Variants in ZSCAN25 observed in about 807,000 individuals in gnomAD.
ZSCAN25 encodes zinc finger and SCAN domain containing 25, also known as zinc finger and SCAN domain-containing protein 25.
Under a neutral mutation model 38.7 loss-of-function variants are expected in ZSCAN25, and 27 were observed. That is an observed-to-expected ratio of 0.70 (90% CI 0.51 to 0.96). The LOEUF is 0.96. Ranked by LOEUF, ZSCAN25 falls within the 40% of genes least tolerant of loss-of-function variation. The pLI is 0.00. For missense variants in ZSCAN25, 637 were observed against 705.9 expected (o/e 0.90, Z 1.11); for synonymous variants, 273 against 277.7 (o/e 0.98, Z 0.17).
chr7:99,734,127 A>G, the ZSCAN25 span, among the ~76,000 whole-genome samples: 1 of 152,222 alleles, frequency 6.6e-6, no homozygotes, highest in African/African-American at 2.4e-5. Context: ...TTCATGTTAA[A>G]TTGCCAGTAG....
chr7:99,648,274 T>TG, the ZSCAN25 span: 1 of 1,600,716 alleles, frequency 6.2e-7, no homozygotes, highest in Non-Finnish European at 8.5e-7. Flanking sequence ...ACAGCTTTCT[T>TG]GAAGACCAAA....
At chr7:99,685,331 C>T in the ZSCAN25 span, 1 of 1,497,156 alleles carries the variant, frequency 6.7e-7, no homozygotes, top group South Asian at 1.1e-5. Flanking sequence ...GCTGACTATG[C>T]ACATAGTTTG....
the ZSCAN25 span, chr7:99,715,961 T>G: frequency 6.2e-7 from 1 of 1,611,944 alleles, no homozygotes; most frequent in Non-Finnish European, 8.5e-7. Flanking sequence ...CCATCCTTCC[T>G]CTATGCGTGC....
the ZSCAN25 span, chr7:99,650,113 A>G: frequency 6.2e-7 from 1 of 1,614,044 alleles, no homozygotes; most frequent in Non-Finnish European, 8.5e-7. Context: ...GTTCTGAAGG[A>G]CTCTGATTAG....
the ZSCAN25 span, among the ~76,000 whole-genome samples, chr7:99,729,158 G>A: frequency 1.3e-5 from 2 of 152,024 alleles, no homozygotes; most frequent in Non-Finnish European, 2.9e-5. Context: ...TTAGTCCTCT[G>A]GTACCTGTTT....
chr7:99,704,927 A>C, the ZSCAN25 span: 1 of 152,980 alleles, frequency 6.5e-6, no homozygotes, highest in African/African-American at 2.4e-5. Context: ...GCACCACTGC[A>C]CTCCAGTTCC....
chr7:99,700,910 C>G, the ZSCAN25 span, among the ~76,000 whole-genome samples: 3 of 152,148 alleles, frequency 2.0e-5, no homozygotes, highest in African/African-American at 7.2e-5. Context: ...TGGTCTTGTT[C>G]TGCAAAGGAA....
At chr7:99,632,470 C>T, downstream of ZSCAN25, 1 of 187,874 alleles carries the variant, frequency 5.3e-6, no homozygotes, top group Non-Finnish European at 9.9e-6. Flanking sequence ...CGAAGTGTAT[C>T]CCAAGTGTTG....
At chr7:99,686,760 C>CA in the ZSCAN25 span, among the ~76,000 whole-genome samples, 2,133 of 152,172 alleles carry the variant, frequency 0.014, 64 homozygotes, top group African/African-American at 0.047. Flanking sequence ...ACCCCCCCCC[C>CA]AGTAGGGGCA....
the ZSCAN25 span, chr7:99,735,231 G>A: frequency 8.2e-7 from 1 of 1,220,750 alleles, no homozygotes; most frequent in South Asian, 1.3e-5. Context: ...TTATATGCTG[G>A]AGAAGGAGGC....
At chr7:99,689,837 G>A in the ZSCAN25 span, among the ~76,000 whole-genome samples, 1 of 152,214 alleles carries the variant, frequency 6.6e-6, no homozygotes, top group Non-Finnish European at 1.5e-5. Flanking sequence ...GTGCTCATGG[G>A]TAGGAAGAAT....
At chr7:99,645,640 A>G in the ZSCAN25 span, among the ~76,000 whole-genome samples, 1 of 151,924 alleles carries the variant, frequency 6.6e-6, no homozygotes. Context: ...CTTTATTAAT[A>G]GCCATTCTGA....
chr7:99,692,093 GT>G, the ZSCAN25 span, among the ~76,000 whole-genome samples: 2 of 152,182 alleles, frequency 1.3e-5, no homozygotes, highest in African/African-American at 4.8e-5. Context: ...AGGCCTGGTG[GT>G]GACAAAATCT....
intron 3 of ZSCAN25, 70 bp downstream of exon 3, chr7:99,619,202 T>C (rs1217710824): frequency 5.9e-6 from 1 of 170,534 alleles, no homozygotes. Flanking sequence ...TGTGTATATG[T>C]GTGTGTTTGT....
At chr7:99,667,928 A>T in the ZSCAN25 span, among the ~76,000 whole-genome samples, 1 of 152,226 alleles carries the variant, frequency 6.6e-6, no homozygotes, top group Non-Finnish European at 1.5e-5. Context: ...AGCATACCTG[A>T]TGTCTTAATA....
chr7:99,713,597 G>A, the ZSCAN25 span: 1 of 1,609,778 alleles, frequency 6.2e-7, no homozygotes, highest in Admixed American at 1.7e-5. Context: ...AAGTTAATCA[G>A]AAGTGCAGTC....
At chr7:99,663,343 ACTCTATATAATCTT>A in the ZSCAN25 span, 1 of 993,686 alleles carries the variant, frequency 1.0e-6, no homozygotes, top group Non-Finnish European at 1.2e-6. Context: ...ACATTCTCAA[ACTCTATATAATCTT>A]CAGTGACAGC....
chr7:99,717,665 G>A, the ZSCAN25 span: 1 of 1,612,034 alleles, frequency 6.2e-7, no homozygotes, highest in African/African-American at 1.3e-5. Context: ...GAAAGATTTT[G>A]TCCTACATCA....
chr7:99,735,161 C>CTG, the ZSCAN25 span: 6 of 1,600,964 alleles, frequency 3.7e-6, no homozygotes, highest in Non-Finnish European at 5.1e-6. Flanking sequence ...GTTTGCTGGG[C>CTG]TGTGTGTGTG....
Sources: allele counts gnomAD v4.1 joint callset (sites outside exome capture counted in the v4.1 genomes callset), GRCh38; gene constraint gnomAD v4.1.1; transcripts MANE v1.5; gene names NCBI Gene and HGNC (gene_info 2026-07-23, HGNC 2026-07-21).